KMT2C: variants seen among roughly 807,000 people sequenced by gnomAD.
KMT2C encodes the protein lysine methyltransferase 2C.
A neutral mutation model predicts 507.9 loss-of-function variants in KMT2C; 88 were observed. The observed-to-expected ratio is 0.17, with a 90% CI of 0.15 to 0.21. KMT2C has a LOEUF of 0.21. Ranked by LOEUF, KMT2C falls within the 10% of genes least tolerant of loss-of-function variation. The pLI, the probability that KMT2C is intolerant of heterozygous loss-of-function variation, is 1.00. For synonymous variants in KMT2C, 2,049 were observed against 2,080.8 expected (o/e 0.98, Z 0.42); for missense variants, 4,954 against 5,957.8 (o/e 0.83, Z 5.55).
intron 40 of KMT2C, among the ~76,000 whole-genome samples, chr7:152,169,881 C>T (rs1041655552): frequency 2.6e-5 from 4 of 152,096 alleles, no homozygotes; most frequent in East Asian, 3.9e-4. Flanking sequence ...GTATTTAATT[C>T]GTTTTATTTT....
intron 23 of KMT2C, among the ~76,000 whole-genome samples, chr7:152,210,371 A>G (rs1369702860): frequency 6.6e-6 from 1 of 152,178 alleles, no homozygotes; most frequent in Non-Finnish European, 1.5e-5. Flanking sequence ...TAAAAATACT[A>G]TCTATCCAGT....
rs1439361424 is a variant in KMT2C, at chr7:152,181,825, G to A, written c.6035C>T (p.Pro2012Leu). 1.2e-6 allele frequency: 2 copies of A among 1,614,126 alleles called. No individual in the cohort carries two copies. The highest frequency in any genetic ancestry group is 4.5e-5 in the East Asian group (2 of 44,872). The part of the protein sequence containing the change: ...GTSDHFTKPS[P>L]RADVFQRQRI... ...TTGTCTTTGAAACACATCTGCCCTA[G>A]GAGATGGTTTAGTAAAGTGATCACT... The change falls in exon 36 of 59, where the codon CCT becomes CTT. Residue 2012 changes from proline (P) to leucine (L), a missense_variant. Transcript: ENST00000262189.
At chr7:152,324,382 T>C (rs959465064) in intron 3 of KMT2C, among the ~76,000 whole-genome samples, 2 of 151,826 alleles carry the variant, frequency 1.3e-5, no homozygotes, top group African/African-American at 4.8e-5. Flanking sequence ...CTTGATTCAA[T>C]CATTCCACTT....
intron 55 of KMT2C, among the ~76,000 whole-genome samples, chr7:152,142,780 TCGAGAGGGA>T (rs1162860216): frequency 6.6e-6 from 1 of 152,208 alleles, no homozygotes. Context: ...CGTCAGTTGA[TCGAGAGGGA>T]CCTCTGATTA....
At chr7:152,264,327 T>TCCCCA (rs2095827299) in intron 8 of KMT2C, among the ~76,000 whole-genome samples, 1 of 152,170 alleles carries the variant, frequency 6.6e-6, no homozygotes, top group Non-Finnish European at 1.5e-5. Flanking sequence ...TAAATGAAGA[T>TCCCCA]ACTGGTAACA....
chr7:152,136,716 TCAAAAAGTCA>T lies in KMT2C; in HGVS notation c.*106_*115del. On this transcript the variant is annotated 3_prime_UTR_variant, in exon 59 of 59. Coordinates refer to ENST00000262189, the MANE Select transcript of KMT2C (RefSeq NM_170606.3). ...GAAATCAGAACTCCCAGAAGCTTTT[TCAAAAAGTCA>T]TAAAACAGAAAACAAAAATCTCTTT... The T allele has an allele frequency of 1.3e-6, 1 of 754,026 alleles. No homozygotes were observed. Among genetic ancestry groups the T allele is most frequent in the Non-Finnish European group, 2.3e-6 (1 of 442,000 alleles). 46.7% of individuals were successfully genotyped at this position (754,026 alleles called of 1,614,324 possible).
intron 1 of KMT2C, among the ~76,000 whole-genome samples, chr7:152,361,431 T>G (rs1015695736): frequency 6.6e-6 from 1 of 151,646 alleles, no homozygotes. Flanking sequence ...GGCGTGGTAG[T>G]GGGCGCCTGT....
chr7:152,252,490 G>A, intron 10 of KMT2C, 56 bp downstream of exon 10: 2 of 1,415,352 alleles, frequency 1.4e-6, no homozygotes, highest in Non-Finnish European at 2.0e-6. Context: ...TAGAGCAAAT[G>A]ACCACATGAA....
chr7:152,209,546 T>TA lies in KMT2C; in HGVS notation c.3713-2119dup, dbSNP rs530097916. Among the ~76,000 whole-genome samples, 1,075 of 150,868 alleles carry TA rather than the reference T, an allele frequency of 7.1e-3. 11 individuals carry two copies. Among genetic ancestry groups the TA allele is most frequent in the Middle Eastern group, 0.034 (10 of 290 alleles). On this transcript the variant is annotated intron_variant, in intron 23 of 58. Transcript: ENST00000262189. ...AAATTACATTCTCCTGAAACCCTAC[T>TA]AAAAAACACACTGAAATAATCTATT... is the stretch of plus-strand genomic sequence containing the variant.
chr7:152,254,596 A>AGG (rs2095615094), intron 9 of KMT2C, among the ~76,000 whole-genome samples: 1 of 152,188 alleles, frequency 6.6e-6, no homozygotes, highest in Non-Finnish European at 1.5e-5. Flanking sequence ...GACCAACATA[A>AGG]ATACTTCAAT....
chr7:152,188,048 G>C (rs1314359932), intron 31 of KMT2C, among the ~76,000 whole-genome samples: 1 of 152,050 alleles, frequency 6.6e-6, no homozygotes, highest in Admixed American at 6.6e-5. Context: ...AGCTCCATAG[G>C]GCCAACATTT....
In KMT2C at chr7:152,282,788, G is replaced by A. The variant is rs569720487; in HGVS notation, c.850-8921C>T. ...CGTTCTAATATTTGGGGTATTCCTA[G>A]AAATGTGTACCTATTATTCACTTGC... On this transcript the variant is annotated intron_variant, in intron 6 of 58. Transcript: ENST00000262189. Among the ~76,000 whole-genome samples the A allele has an allele frequency of 3.5e-4, 52 of 149,324 alleles. No homozygotes were observed. In the East Asian group the frequency reaches 5.3e-3, roughly 15 times the overall value.
At chr7:152,310,874 C>T (rs371452055) in intron 5 of KMT2C, among the ~76,000 whole-genome samples, 2 of 151,874 alleles carry the variant, frequency 1.3e-5, no homozygotes, top group African/African-American at 2.4e-5. Flanking sequence ...TTTGTAGAGA[C>T]AGGGTTTCAC....
At chr7:152,153,951 C>A in intron 48 of KMT2C, 59 bp downstream of exon 48, 9 of 1,540,144 alleles carry the variant, frequency 5.8e-6, no homozygotes, top group Non-Finnish European at 7.2e-6. Flanking sequence ...AGACACCTGA[C>A]CCATCTTTGA....
At chr7:152,229,259 G>A (rs533731147) in intron 18 of KMT2C, among the ~76,000 whole-genome samples, 1 of 152,172 alleles carries the variant, frequency 6.6e-6, no homozygotes, top group East Asian at 1.9e-4. Context: ...GCTTCCAGTG[G>A]CCATGACACT....
chr7:152,149,649 A>C (rs564573064), intron 51 of KMT2C, among the ~76,000 whole-genome samples: 1 of 152,216 alleles, frequency 6.6e-6, no homozygotes, highest in Non-Finnish European at 1.5e-5. Flanking sequence ...TGTAAATGTT[A>C]CAGAAAGGGA....
chr7:152,272,719 A>C (rs1018922983), intron 7 of KMT2C, among the ~76,000 whole-genome samples: 6 of 152,198 alleles, frequency 3.9e-5, no homozygotes, highest in African/African-American at 1.4e-4. Flanking sequence ...ATATGATTAC[A>C]TATGTGGACA....
intron 9 of KMT2C, among the ~76,000 whole-genome samples, chr7:152,256,527 A>AT (rs1410763956): frequency 6.6e-6 from 1 of 152,080 alleles, no homozygotes; most frequent in African/African-American, 2.4e-5. Flanking sequence ...CCACTGTACT[A>AT]TGGCCGGGGT....
At chr7:152,236,032 C>T (rs555844907) in intron 15 of KMT2C, 99 bp from the exon 16 acceptor site, 4 of 667,372 alleles carry the variant, frequency 6.0e-6, no homozygotes, top group East Asian at 5.6e-5. Flanking sequence ...AAATGTTACA[C>T]AAACACTTCC....
Sources: gnomAD v4.1 joint callset for allele counts (sites outside exome capture counted in the v4.1 genomes callset) on GRCh38, gnomAD v4.1.1 for gene constraint, MANE v1.5 for transcripts, NCBI Gene and HGNC (gene_info 2026-07-23, HGNC 2026-07-21) for gene names.